GPHN: variants seen among roughly 807,000 people sequenced by gnomAD.
The protein encoded by GPHN is gephyrin.
A neutral mutation model predicts 95.5 loss-of-function variants in GPHN; 17 were observed. That is an observed-to-expected ratio of 0.18 (90% CI 0.12 to 0.27). The LOEUF (loss-of-function observed/expected upper bound fraction) is 0.27. GPHN is among the 10% of genes least tolerant of loss of function. The pLI is 1.00. For synonymous variants in GPHN, 320 were observed against 322.5 expected (o/e 0.99, Z 0.08); for missense variants, 660 against 978.1 (o/e 0.67, Z 4.34).
chr14:66,743,167 T>A (rs2153441747), intron 2 of GPHN, among the ~76,000 whole-genome samples: 1 of 148,340 alleles, frequency 6.7e-6, no homozygotes, highest in South Asian at 2.1e-4. Flanking sequence ...AGGGACCTGA[T>A]TCCCTGTGTA....
intron 4 of GPHN, among the ~76,000 whole-genome samples, chr14:66,841,717 C>A (rs2062096772): frequency 6.6e-6 from 1 of 151,872 alleles, no homozygotes; most frequent in Admixed American, 6.6e-5. Context: ...TTTAGATATC[C>A]AAGTGGAGAT....
the GPHN span, among the ~76,000 whole-genome samples, chr14:67,242,855 G>A: frequency 6.6e-6 from 1 of 152,168 alleles, no homozygotes; most frequent in African/African-American, 2.4e-5. Flanking sequence ...AAATTAAGGT[G>A]GATTGATTAA....
the GPHN span, among the ~76,000 whole-genome samples, chr14:67,432,535 T>C: frequency 6.6e-6 from 1 of 152,244 alleles, no homozygotes; most frequent in Non-Finnish European, 1.5e-5. Flanking sequence ...ACCTCTCTTC[T>C]GTGTTTTAGA....
At chr14:67,341,945 G>C in the GPHN span, among the ~76,000 whole-genome samples, 1 of 151,828 alleles carries the variant, frequency 6.6e-6, no homozygotes, top group Non-Finnish European at 1.5e-5. Flanking sequence ...TGGATTAAGG[G>C]CGGTGCAAGA....
chr14:67,378,109 T>C, the GPHN span, among the ~76,000 whole-genome samples: 1 of 150,412 alleles, frequency 6.6e-6, no homozygotes, highest in Non-Finnish European at 1.5e-5. Flanking sequence ...GATGACAGAG[T>C]GAGACCTTGT....
the GPHN span, among the ~76,000 whole-genome samples, chr14:67,653,974 T>C: frequency 6.6e-6 from 1 of 152,204 alleles, no homozygotes; most frequent in Admixed American, 6.5e-5. Flanking sequence ...TGAAAAGAAT[T>C]AACCTCCATG....
intron 9 of GPHN, among the ~76,000 whole-genome samples, chr14:66,999,672 T>C (rs2072083796): frequency 6.6e-6 from 1 of 151,784 alleles, no homozygotes; most frequent in South Asian, 2.1e-4. Context: ...AAAGAACTCA[T>C]CTTTCACGTT....
chr14:67,338,461 G>A, the GPHN span: 1 of 754,500 alleles, frequency 1.3e-6, no homozygotes, highest in East Asian at 2.6e-5. Flanking sequence ...GCTAAATTAT[G>A]ATTCTGCAAA....
the GPHN span, chr14:67,651,369 C>T: frequency 9.9e-6 from 16 of 1,613,464 alleles, no homozygotes; most frequent in African/African-American, 1.5e-4. Context: ...GTCCACAAAC[C>T]CTTCCCTATA....
chr14:66,709,474 G>C (rs1312381352), intron 2 of GPHN: 4 of 453,836 alleles, frequency 8.8e-6, no homozygotes, highest in Non-Finnish European at 4.4e-6. Context: ...TGAATAACAA[G>C]TGGGTAGCCT....
At chr14:67,203,146 C>A in the GPHN span, 4 of 1,613,882 alleles carry the variant, frequency 2.5e-6, no homozygotes, top group South Asian at 4.4e-5. Context: ...AACTGGGTGA[C>A]CGTAGGCATC....
At chr14:66,567,198 A>G (rs1055310943) in intron 1 of GPHN, among the ~76,000 whole-genome samples, 1 of 152,156 alleles carries the variant, frequency 6.6e-6, no homozygotes, top group African/African-American at 2.4e-5. Flanking sequence ...AATTTTGAGC[A>G]TATAGAGTTG....
At position 67,171,657 on chromosome 14, in the gene GPHN, C is replaced by G. The variant is rs143336207; in HGVS notation, c.2079+2621C>G. 2.9e-3 allele frequency among the ~76,000 whole-genome samples: 438 copies of G among 152,198 alleles called. 10 individuals carry two copies. Among genetic ancestry groups the G allele is most frequent in the East Asian group, 0.017 (90 of 5,174 alleles). On this transcript the variant is annotated intron_variant, in intron 21 of 22. Transcript: ENST00000478722. ...CTATAAGTCCCTCATGCCCATCCCC[C>G]CCTCACAAACACAGCCAGAACAATG... is the stretch of plus-strand genomic sequence containing the variant.
intron 1 of GPHN, among the ~76,000 whole-genome samples, chr14:66,636,855 C>T (rs2064128556): frequency 6.6e-6 from 1 of 152,118 alleles, no homozygotes; most frequent in African/African-American, 2.4e-5. Flanking sequence ...GTTGATGTAG[C>T]CCAAACAGTA....
At chr14:67,575,219 G>T in the GPHN span, among the ~76,000 whole-genome samples, 2 of 152,146 alleles carry the variant, frequency 1.3e-5, no homozygotes, top group Admixed American at 6.5e-5. Context: ...GTGCCACAGG[G>T]TGTCATGGCA....
At chr14:67,349,161 G>A in the GPHN span, 1 of 1,503,060 alleles carries the variant, frequency 6.7e-7, no homozygotes, top group East Asian at 2.3e-5. Context: ...AACCTACAGG[G>A]ACCCACTGGA....
the GPHN span, among the ~76,000 whole-genome samples, chr14:67,644,997 T>TA: frequency 0.01 from 1,347 of 132,398 alleles, 23 homozygotes; most frequent in East Asian, 0.097. Flanking sequence ...GACTCCGTCT[T>TA]AAAAAAAAAA....
chr14:67,547,748 A>T, the GPHN span, among the ~76,000 whole-genome samples: 1 of 152,202 alleles, frequency 6.6e-6, no homozygotes, highest in East Asian at 1.9e-4. Flanking sequence ...TCCTACCTTG[A>T]CACAGTCTAC....
intron 4 of GPHN, among the ~76,000 whole-genome samples, chr14:66,839,542 T>A (rs1223950302): frequency 1.3e-5 from 2 of 152,214 alleles, no homozygotes; most frequent in African/African-American, 4.8e-5. Context: ...AAATACTCTT[T>A]TTTTACAAAA....
Sources: allele counts gnomAD v4.1 joint callset (sites outside exome capture counted in the v4.1 genomes callset), GRCh38; gene constraint gnomAD v4.1.1; transcripts MANE v1.5; gene names NCBI Gene and HGNC (gene_info 2026-07-23, HGNC 2026-07-21).